KIF26B: variants seen among roughly 807,000 people sequenced by gnomAD.
KIF26B encodes the protein kinesin-like protein KIF26B.
A neutral mutation model predicts 151.2 loss-of-function variants in KIF26B; 63 were observed. The ratio of observed to expected loss-of-function variants is 0.42; its 90% confidence interval spans 0.34 to 0.51. The LOEUF is 0.51. Ranked by LOEUF, KIF26B falls within the 20% of genes least tolerant of loss-of-function variation. The pLI is 0.07. For synonymous variants in KIF26B, 1,357 were observed against 1,262.1 expected (o/e 1.08, Z -1.59); for missense variants, 2,813 against 2,913.6 (o/e 0.97, Z 0.79).
chr1:245,181,101 A>G (rs1668898407), intron 2 of KIF26B, among the ~76,000 whole-genome samples: 2 of 152,210 alleles, frequency 1.3e-5, no homozygotes, highest in South Asian at 4.1e-4. Context: ...ACCTTTCTGC[A>G]TTAAAGTTTC....
At chr1:245,290,024 G>A (rs12748600) in intron 2 of KIF26B, among the ~76,000 whole-genome samples, 14,187 of 151,888 alleles carry the variant, frequency 0.093, 703 homozygotes, top group Middle Eastern at 0.11. Context: ...CCTTATTCCC[G>A]TCTTAGCACT....
chr1:245,199,279 C>G (rs1455175215), intron 2 of KIF26B, among the ~76,000 whole-genome samples: 2 of 152,110 alleles, frequency 1.3e-5, no homozygotes, highest in African/African-American at 4.8e-5. Context: ...AGGGCAAATA[C>G]ACGCAAGTGT....
At chr1:245,608,491 T>A (rs1452621291) in intron 7 of KIF26B, among the ~76,000 whole-genome samples, 1 of 152,164 alleles carries the variant, frequency 6.6e-6, no homozygotes, top group Non-Finnish European at 1.5e-5. Context: ...TTTCTCTTGA[T>A]CTTGATGTAA....
intron 2 of KIF26B, among the ~76,000 whole-genome samples, chr1:245,213,972 G>C (rs1472962708): frequency 2.0e-5 from 3 of 152,202 alleles, no homozygotes; most frequent in African/African-American, 7.2e-5. Flanking sequence ...AAAGGGACCA[G>C]CCGCTGAGAT....
In KIF26B at chr1:245,640,122, G is replaced by GCGCTCTCTCTCTCTCTCTCTCTCTCT. The variant is rs1553299290; in HGVS notation, c.2099-5998_2099-5997insGCTCTCTCTCTCTCTCTCTCTCTCTC. Among the ~76,000 whole-genome samples the GCGCTCTCTCTCTCTCTCTCTCTCTCT allele has an allele frequency of 2.8e-4, 15 of 53,984 alleles. No homozygotes were observed. In the East Asian group the frequency reaches 0.011, roughly 38 times the overall value. 35.4% of individuals were successfully genotyped at this position (53,984 alleles called of 152,430 possible). A position where few individuals can be genotyped will look rare whatever the true frequency, so the allele number is the denominator to read the frequency against. On this transcript the variant is annotated intron_variant, in intron 9 of 14. Transcript: ENST00000407071. ...CTCCTGTTTAGATCTACTAATATTT[G>GCGCTCTCTCTCTCTCTCTCTCTCTCT]CTCTCTCTCTCTCTCTCTCTCTATA... is the stretch of plus-strand genomic sequence containing the variant.
At chr1:245,306,499 A>G (rs1573765062) in intron 2 of KIF26B, among the ~76,000 whole-genome samples, 3 of 152,362 alleles carry the variant, frequency 2.0e-5, no homozygotes, top group South Asian at 4.1e-4. Flanking sequence ...TACAATATAA[A>G]TGGATGAATT....
chr1:245,155,680 A>T (rs574619030), intron 1 of KIF26B, among the ~76,000 whole-genome samples, 193 bp downstream of exon 1: 1 of 152,150 alleles, frequency 6.6e-6, no homozygotes, highest in Admixed American at 6.5e-5. Flanking sequence ...TCGCTCTCGG[A>T]ATTTTTTCAG....
chr1:245,217,127 C>G (rs1266999481), intron 2 of KIF26B, among the ~76,000 whole-genome samples: 1 of 152,194 alleles, frequency 6.6e-6, no homozygotes, highest in African/African-American at 2.4e-5. Context: ...TCCAATTCCC[C>G]TCTGATTGAG....
At position 245,686,199 on chromosome 1, in the gene KIF26B, C is replaced by T. The variant is rs2044515211; in HGVS notation, c.3216C>T (p.Ser1072=). 1.2e-6 allele frequency: 2 copies of T among 1,612,620 alleles called. No homozygotes were observed. Among genetic ancestry groups the T allele is most frequent in the East Asian group, 2.2e-5 (1 of 44,846 alleles). Residue 1072 remains serine (S), a synonymous_variant, in exon 12 of 15, where the codon AGC becomes AGT. Transcript: ENST00000407071. The surrounding 1 kb of genome is among the most constrained non-coding windows in gnomAD (Gnocchi z 5.6). ...GCTCCCCCCGGCTGGGCATCGCCAGCCTGTCCAAGACCTCGGAGTACAAGC... is the reference window on the plus strand; with the variant it reads ...GCTCCCCCCGGCTGGGCATCGCCAGTCTGTCCAAGACCTCGGAGTACAAGC... ...PMGSPRLGIA[S]LSKTSEYKPP... is the part of the protein sequence containing the mutation.
chr1:245,189,432 C>T (rs1669056318), intron 2 of KIF26B, among the ~76,000 whole-genome samples: 1 of 152,192 alleles, frequency 6.6e-6, no homozygotes, highest in Non-Finnish European at 1.5e-5. Flanking sequence ...AGCAAACTGT[C>T]ATTTAAAGTT....
In KIF26B at chr1:245,488,050, A is replaced by G. The variant is rs1259015135; in HGVS notation, c.1167-52717A>G. 6.6e-6 allele frequency among the ~76,000 whole-genome samples: 1 copy of G among 152,052 alleles called. No homozygotes were observed. The highest frequency in any genetic ancestry group is 1.5e-5 in the Non-Finnish European group (1 of 68,006). ...TGATCCACCCACCTCAGCCTGCCAA[A>G]GTGCTGGGATTACAGGCATGAGCTG... On this transcript the variant is annotated intron_variant, in intron 4 of 14. Transcript: ENST00000407071. The surrounding 1 kb of genome is among the most constrained non-coding windows in gnomAD (Gnocchi z 4.6).
At position 245,155,194 on chromosome 1, in the gene KIF26B, A is replaced by G; in HGVS notation, c.-231A>G. ...GGAAGAGGCAGAAGGGGACGAGGAA[A>G]AGCATGCTTTGAAGAGAAGAATAAA... On this transcript the variant is annotated 5_prime_UTR_variant, in exon 1 of 15. Coordinates refer to ENST00000407071, the MANE Select transcript of KIF26B (RefSeq NM_018012.4). The G allele has an allele frequency of 1.8e-6, 1 of 561,600 alleles. No individual in the cohort carries two copies. Among genetic ancestry groups the G allele is most frequent in the Non-Finnish European group, 3.1e-6 (1 of 324,454 alleles). 34.8% of individuals were successfully genotyped at this position (561,600 alleles called of 1,614,324 possible).
intron 4 of KIF26B, among the ~76,000 whole-genome samples, chr1:245,427,587 A>C (rs1704418): frequency 0.23 from 34,244 of 152,046 alleles, 4,015 homozygotes; most frequent in African/African-American, 0.25. Context: ...CAGCCTGGAC[A>C]GCAAGGGTGA....
At chr1:245,637,654 T>C (rs747560741) in intron 9 of KIF26B, among the ~76,000 whole-genome samples, 111 of 151,908 alleles carry the variant, frequency 7.3e-4, no homozygotes, top group Non-Finnish European at 1.4e-3. Context: ...TAAATTTAAG[T>C]CCATTTTGAG....
chr1:245,198,607 G>A (rs896402148), intron 2 of KIF26B, among the ~76,000 whole-genome samples: 8 of 151,788 alleles, frequency 5.3e-5, no homozygotes, highest in Admixed American at 6.6e-5. Flanking sequence ...CTGTAATTCC[G>A]GCTAGTTGGG....
chr1:245,219,398 C>T (rs962916052), intron 2 of KIF26B, among the ~76,000 whole-genome samples: 7 of 151,894 alleles, frequency 4.6e-5, no homozygotes, highest in African/African-American at 1.4e-4. Flanking sequence ...GGATTATAGG[C>T]GCGAGCCACT....
Position 245,685,770 on chromosome 1 carries a change from G to A in KIF26B, c.2787G>A (p.Leu929=). The change falls in exon 12 of 15, where the codon CTG becomes CTA. Residue 929 remains leucine, a synonymous_variant. Coordinates refer to ENST00000407071, the MANE Select transcript of KIF26B (RefSeq NM_018012.4). The part of the protein sequence containing the change: ...DCLKCNTFAE[L]QERLDCIDGS... ...TGAAGTGCAACACGTTTGCCGAGCT[G>A]CAGGAGAGGCTGGACTGCATCGACG... 6.2e-7 allele frequency: 1 copy of A among 1,612,120 alleles called. No individual in the cohort carries two copies. The highest frequency in any genetic ancestry group is 8.5e-7 in the Non-Finnish European group (1 of 1,179,228).
intron 4 of KIF26B, among the ~76,000 whole-genome samples, chr1:245,505,612 T>TGA (rs1660716445): frequency 6.6e-6 from 1 of 152,144 alleles, no homozygotes; most frequent in Admixed American, 6.5e-5. Flanking sequence ...CTTGAACTCC[T>TGA]GACCTCAGGT....
chr1:245,626,607 G>A (rs2043727222), intron 9 of KIF26B, among the ~76,000 whole-genome samples: 1 of 151,864 alleles, frequency 6.6e-6, no homozygotes, highest in African/African-American at 2.4e-5. Flanking sequence ...GTTTTTTGCT[G>A]TTTTGAGTTC....
Sources: gnomAD v4.1 joint callset for allele counts (sites outside exome capture counted in the v4.1 genomes callset) on GRCh38, gnomAD v4.1.1 for gene constraint, Gnocchi (gnomAD v3.1) non-coding constraint, MANE v1.5 for transcripts, NCBI Gene and HGNC (gene_info 2026-07-23, HGNC 2026-07-21) for gene names.